Variants in FN3K observed in about 807,000 individuals in gnomAD.
The protein encoded by FN3K is fructosamine-3-kinase.
In FN3K, 24 loss-of-function variants were observed where a neutral mutation model predicts 24.8. The ratio of observed to expected loss-of-function variants is 0.97; its 90% CI spans 0.70 to 1.36. The LOEUF (loss-of-function observed/expected upper bound fraction) is 1.36. Among genes scored for constraint, FN3K ranks in the 40% most tolerant of loss-of-function variants. The pLI is 0.00. For synonymous variants in FN3K, 192 were observed against 175.2 expected (o/e 1.10, Z -0.76); for missense variants, 449 against 416.7 (o/e 1.08, Z -0.67).
chr17:82,738,710 A>T, intron 2 of FN3K, 70 bp downstream of exon 2: 1 of 1,583,196 alleles, frequency 6.3e-7, no homozygotes, highest in Admixed American at 1.7e-5. Context: ...AAACAGAGAG[A>T]GACAGAGAAA....
intron 3 of FN3K, 99 bp from the exon 4 acceptor site, chr17:82,741,212 C>T: frequency 1.9e-6 from 2 of 1,047,806 alleles, no homozygotes; most frequent in South Asian, 2.7e-5. Context: ...CACCTATATT[C>T]TAGCATGCGT....
At position 82,742,068 on chromosome 17, in the gene FN3K, C is replaced by T. The variant is rs554804073; in HGVS notation, c.468+675C>T. On this transcript the variant is annotated intron_variant, in intron 4 of 5. Transcript: ENST00000300784. Reference sequence around the variant, plus strand: ...GATTACAGGCATGCACCACCACACCCGGCTAATTTTTGTATTTTTAGTAGA... The same window carrying T: ...GATTACAGGCATGCACCACCACACCTGGCTAATTTTTGTATTTTTAGTAGA... Among the ~76,000 whole-genome samples the T allele has an allele frequency of 2.3e-4, 35 of 152,186 alleles. No homozygotes were observed. In the East Asian group the frequency reaches 4.8e-3, roughly 21 times the overall value.
chr17:82,736,190 T>C, intron 1 of FN3K: 1 of 205,356 alleles, frequency 4.9e-6, no homozygotes, highest in Non-Finnish European at 1.0e-5. Context: ...CCACAGGCCT[T>C]GTCTGTGTTT....
intron 1 of FN3K, chr17:82,736,062 C>T (rs2046898795): frequency 2.4e-6 from 1 of 409,092 alleles, no homozygotes; most frequent in Non-Finnish European, 4.5e-6. Flanking sequence ...GCTTGGGGTC[C>T]TTGGCTCAGC....
intron 3 of FN3K, 95 bp from the exon 4 acceptor site, chr17:82,741,216 C>G: frequency 9.3e-7 from 1 of 1,078,924 alleles, no homozygotes; most frequent in African/African-American, 1.6e-5. Context: ...TATATTCTAG[C>G]ATGCGTAGCC....
At position 82,738,722 on chromosome 17, in the gene FN3K, G is replaced by A. The variant is rs2046921481; in HGVS notation, c.293+82G>A. 30 of 1,547,678 alleles carry A rather than the reference G, an allele frequency of 1.9e-5. No homozygotes were observed. In the South Asian group the frequency reaches 3.0e-4, roughly 16 times the overall value. On this transcript the variant is annotated intron_variant, in intron 2 of 5. Transcript: ENST00000300784. ...GACAAACAGAGAGAGACAGAGAAAGGGATAGAGATGGGGAGGGAGACAGAA... is the reference window on the plus strand; with the variant it reads ...GACAAACAGAGAGAGACAGAGAAAGAGATAGAGATGGGGAGGGAGACAGAA...
rs2046896749 is a variant in FN3K, at chr17:82,735,772, ACGCAGGTGCTGGCCCGTG to A, written c.141+2_141+19del. 1.9e-6 allele frequency: 3 copies of A among 1,561,782 alleles called. No individual in the cohort carries two copies. Among genetic ancestry groups the A allele is most frequent in the Non-Finnish European group, 2.6e-6 (3 of 1,155,014 alleles). On this transcript the variant is annotated splice_donor_variant and splice_donor_5th_base_variant and coding_sequence_variant and intron_variant, in exon 1 of 6. Transcript: ENST00000300784. LOFTEE classifies it high-confidence loss of function. The stretch of plus-strand genomic sequence containing the variant: ...AGTGTTCGTCAAAGTCAACCGCAGG[ACGCAGGTGCTGGCCCGTG>A]CGCAGGCGGGGGCTCTGCGGGTCTC...
chr17:82,750,865 C>T lies in FN3K; in HGVS notation c.*110C>T. ...GTCCCTGTCCCCCTGTTCCCGTCTC[C>T]CCGTCCCTCCGTCTCCATCCCCCCG... On this transcript the variant is annotated 3_prime_UTR_variant, in exon 6 of 6. Coordinates refer to ENST00000300784, the MANE Select transcript of FN3K (RefSeq NM_022158.4). The T allele has an allele frequency of 1.3e-6, 1 of 764,258 alleles. No individual in the cohort carries two copies. Among genetic ancestry groups the T allele is most frequent in the Non-Finnish European group, 2.0e-6 (1 of 498,844 alleles). The allele number at this position is 764,258 out of a possible 1,614,324, so 47.3% of individuals were successfully genotyped here. A position where few individuals can be genotyped will look rare whatever the true frequency, so the allele number is the denominator to read the frequency against.
chr17:82,735,757 A>G lies in FN3K; in HGVS notation c.121A>G (p.Lys41Glu). The change falls in exon 1 of 6, where the codon AAA becomes GAA. Residue 41 changes from lysine (K) to glutamate (E), a missense_variant. Lys to Glu is a moderately conservative substitution (Grantham distance 56). Transcript: ENST00000300784. Reference sequence around the variant, plus strand: ...CACGGACGCAGGCCCAGTGTTCGTCAAAGTCAACCGCAGGACGCAGGTGCT... The same window carrying G: ...CACGGACGCAGGCCCAGTGTTCGTCGAAGTCAACCGCAGGACGCAGGTGCT... ...YDTDAGPVFV[K>E]VNRRTQARQM... 6.4e-7 allele frequency: 1 copy of G among 1,564,224 alleles called. No homozygotes were observed. Among genetic ancestry groups the G allele is most frequent in the Non-Finnish European group, 8.6e-7 (1 of 1,156,412 alleles).
At chr17:82,748,338 A>C (rs2249113) in intron 4 of FN3K, among the ~76,000 whole-genome samples, 71,012 of 151,700 alleles carry the variant, frequency 0.47, 16,940 homozygotes, top group East Asian at 0.58. Context: ...GTAGAGATGG[A>C]GTTTCCTTAT....
chr17:82,738,795 C>G (rs1301715845), intron 2 of FN3K, among the ~76,000 whole-genome samples, 155 bp downstream of exon 2: 1 of 151,624 alleles, frequency 6.6e-6, no homozygotes, highest in Non-Finnish European at 1.5e-5. Flanking sequence ...GCCCGGTTAT[C>G]AGAGGCAGGG....
At chr17:82,741,201 C>A in intron 3 of FN3K, 110 bp from the exon 4 acceptor site, 1 of 943,748 alleles carries the variant, frequency 1.1e-6, no homozygotes, top group Admixed American at 2.0e-5. Context: ...CATCCTCAGA[C>A]CACCTATATT....
At chr17:82,748,149 TTTTTC>T (rs1439347450) in intron 4 of FN3K, among the ~76,000 whole-genome samples, 1 of 151,816 alleles carries the variant, frequency 6.6e-6, no homozygotes, top group Non-Finnish European at 1.5e-5. Context: ...TTTCTTTTTT[TTTTTC>T]TTTTTTTTTT....
At chr17:82,738,404 CCACGTGGTAGCTTCTGT>C (rs2046918280) in intron 1 of FN3K, 68 bp from the exon 2 acceptor site, 2 of 1,576,054 alleles carry the variant, frequency 1.3e-6, no homozygotes, top group Admixed American at 3.3e-5. Context: ...CTTGTGACTC[CCACGTGGTAGCTTCTGT>C]CAAGGGCCCA....
At chr17:82,744,287 A>G (rs896855087) in intron 4 of FN3K, among the ~76,000 whole-genome samples, 1 of 152,164 alleles carries the variant, frequency 6.6e-6, no homozygotes, top group African/African-American at 2.4e-5. Flanking sequence ...ATTTTTCTCT[A>G]CAGAGGTGTA....
At position 82,738,640 on chromosome 17, in the gene FN3K, G is replaced by A. The variant is rs1277167450; in HGVS notation, c.293G>A (p.Ser98Asn). The change falls in exon 2 of 6, where the codon AGT (serine) becomes AAT (asparagine). Residue 98 changes from serine (S) to asparagine (N), a missense_variant and splice_region_variant. Physicochemically the swap from Ser to Asn is conservative, Grantham distance 46. Transcript: ENST00000300784. Reference sequence around the variant, plus strand: ...CATTTGAAGATGAAGAGCTTGAGCAGGTGAGTGTGTGTGAGACCCATATGC... The same window carrying A: ...CATTTGAAGATGAAGAGCTTGAGCAAGTGAGTGTGTGTGAGACCCATATGC... ...MEHLKMKSLS[S>N]QASKLGEQMA... 1 of 1,613,988 alleles carries A rather than the reference G, an allele frequency of 6.2e-7. No homozygotes were observed. The highest frequency in any genetic ancestry group is 1.1e-5 in the South Asian group (1 of 91,080).
In FN3K at chr17:82,750,804, CG is replaced by C; in HGVS notation, c.*50del. On this transcript the variant is annotated 3_prime_UTR_variant, in exon 6 of 6. Coordinates refer to ENST00000300784, the MANE Select transcript of FN3K (RefSeq NM_022158.4). Reference sequence around the variant, plus strand: ...GTCCCCGTCCCCGTCTCCGTCTCCCCGTCCCTGTCCCCCCGTCCCCCGTCCC... The same window carrying C: ...GTCCCCGTCCCCGTCTCCGTCTCCCCTCCCTGTCCCCCCGTCCCCCGTCCC... The C allele has an allele frequency of 1.3e-6, 2 of 1,494,132 alleles. No individual in the cohort carries two copies. The highest frequency in any genetic ancestry group is 1.8e-6 in the Non-Finnish European group (2 of 1,099,150). 92.6% of individuals were successfully genotyped at this position (1,494,132 alleles called of 1,614,324 possible). A position where few individuals can be genotyped will look rare whatever the true frequency, so the allele number is the denominator to read the frequency against.
Position 82,750,801 on chromosome 17 carries a change from C to T in FN3K, c.*46C>T, listed in dbSNP as rs1366070458. On this transcript the variant is annotated 3_prime_UTR_variant, in exon 6 of 6. Coordinates refer to ENST00000300784, the MANE Select transcript of FN3K (RefSeq NM_022158.4). ...CCTGTCCCCGTCCCCGTCTCCGTCT[C>T]CCCGTCCCTGTCCCCCCGTCCCCCG... The T allele has an allele frequency of 6.6e-7, 1 of 1,515,342 alleles. No homozygotes were observed. Among genetic ancestry groups the T allele is most frequent in the East Asian group, 2.3e-5 (1 of 43,324 alleles). 93.9% of individuals were successfully genotyped at this position (1,515,342 alleles called of 1,614,324 possible).
At chr17:82,738,685 G>T in intron 2 of FN3K, 45 bp downstream of exon 2, 1 of 1,605,558 alleles carries the variant, frequency 6.2e-7, no homozygotes. Flanking sequence ...TACAGGCAGA[G>T]AGAGACTCAG....
Sources: gnomAD v4.1 joint callset for allele counts (sites outside exome capture counted in the v4.1 genomes callset) on GRCh38, gnomAD v4.1.1 for gene constraint, MANE v1.5 for transcripts, NCBI Gene and HGNC (gene_info 2026-07-23, HGNC 2026-07-21) for gene names.